MYH7B: variants seen among roughly 807,000 people sequenced by gnomAD.
MYH7B encodes myosin heavy chain 7B.
MYH7B carries 205 observed loss-of-function variants against 234.5 expected under a neutral mutation model. The ratio of observed to expected loss-of-function variants is 0.87; its 90% CI spans 0.78 to 0.98. MYH7B has a LOEUF of 0.98. Among genes scored for constraint, MYH7B ranks in the 50% least tolerant of loss-of-function variants. The pLI is 0.00. For missense variants in MYH7B, 2,652 were observed against 2,633.4 expected, an observed-to-expected ratio of 1.01 and a Z score of -0.15; for synonymous variants, 1,193 against 1,105.0, an observed-to-expected ratio of 1.08 and a Z score of -1.58.
At chr20:34,974,408 G>A (rs948935758) in intron 2 of MYH7B, among the ~76,000 whole-genome samples, 1 of 152,066 alleles carries the variant, frequency 6.6e-6, no homozygotes, top group Admixed American at 6.5e-5. Context: ...AGTATTTGTT[G>A]CAAATCACTC....
rs982307696 is a variant in MYH7B, at chr20:34,979,406, G to A, written c.108G>A (p.Trp36Ter). The change falls in exon 6 of 45, where the codon TGG becomes TGA. Residue 36 changes from tryptophan to a stop codon, truncating the protein, a stop_gained. Transcript: ENST00000262873. LOFTEE classifies it high-confidence loss of function. ...GCAACCCAGGGAAGAAGCGAGTCTGGGTGCCTGATGAACAGGACGCCTACG... is the reference window on the plus strand; with the variant it reads ...GCAACCCAGGGAAGAAGCGAGTCTGAGTGCCTGATGAACAGGACGCCTACG... 6.2e-7 allele frequency: 1 copy of A among 1,613,518 alleles called. No individual in the cohort carries two copies. Among genetic ancestry groups the A allele is most frequent in the Admixed American group, 1.7e-5 (1 of 59,940 alleles).
chr20:34,976,173 G>A (rs1242873032), intron 3 of MYH7B, among the ~76,000 whole-genome samples: 1 of 152,208 alleles, frequency 6.6e-6, no homozygotes, highest in Non-Finnish European at 1.5e-5. Context: ...GCTCTCTGGT[G>A]CCTCCAGCCA....
exon 20 of MYH7B, chr20:34,989,770 G>A (rs780842321): frequency 1.2e-6 from 2 of 1,614,136 alleles, no homozygotes; most frequent in South Asian, 1.1e-5. Context: ...CCTGGAGGAG[G>A]AATGCATGTT....
exon 15 of MYH7B, chr20:34,986,977 C>G: frequency 6.2e-7 from 1 of 1,613,892 alleles, no homozygotes; most frequent in Non-Finnish European, 8.5e-7. Flanking sequence ...GGGAGGAGCT[C>G]ATCGCCACCG....
chr20:34,984,633 ACCCCGCCCTT>A, intron 10 of MYH7B, 49 bp from the exon 11 acceptor site: 3 of 983,834 alleles, frequency 3.0e-6, no homozygotes, highest in Non-Finnish European at 4.6e-6. Context: ...ACCCTGCCCC[ACCCCGCCCTT>A]CCCCACCGGA....
rs138265572 is a variant in MYH7B at position 34,960,336 on chromosome 20, T to C, written c.-222+2124T>C. On this transcript the variant is annotated intron_variant, in intron 2 of 44. Coordinates refer to ENST00000262873, the Ensembl canonical transcript of MYH7B. ...CTGCAAGCTCCGCCTCCCGTGTTCA[T>C]GCCATTCTCCTACCTCAGCCTCCCG... Among the ~76,000 whole-genome samples, 1,119 of 152,190 alleles carry C rather than the reference T, an allele frequency of 7.4e-3. 11 individuals are homozygous for C. Among genetic ancestry groups the C allele is most frequent in the African/African-American group, 0.025 (1,026 of 41,522 alleles).
intron 1 of MYH7B, among the ~76,000 whole-genome samples, chr20:34,956,623 A>G (rs1403806713): frequency 6.6e-6 from 1 of 152,250 alleles, no homozygotes; most frequent in African/African-American, 2.4e-5. Flanking sequence ...AAGATAGGCA[A>G]TAAACTGCCT....
At chr20:34,975,784 C>T (rs780262919) in intron 3 of MYH7B, among the ~76,000 whole-genome samples, 42 of 152,142 alleles carry the variant, frequency 2.8e-4, no homozygotes, top group Admixed American at 2.7e-3. Flanking sequence ...GGTGCCATCT[C>T]CACTCACTGC....
chr20:35,002,390 C>G (rs2082410975), exon 45 of MYH7B: 2 of 457,668 alleles, frequency 4.4e-6, no homozygotes, highest in Admixed American at 7.9e-5. Context: ...GGACAAAAGC[C>G]AGGTCCACAG....
chr20:34,986,825 T>C, intron 14 of MYH7B, 61 bp from the exon 15 acceptor site: 1 of 1,397,138 alleles, frequency 7.2e-7, no homozygotes, highest in Non-Finnish European at 1.0e-6. Flanking sequence ...GCTGCAATTG[T>C]TGTGGGGAGA....
At chr20:34,999,389 GAAC>G (rs2082325549) in exon 36 of MYH7B, 1 of 1,521,910 alleles carries the variant, frequency 6.6e-7, no homozygotes, top group African/African-American at 1.4e-5. Context: ...TCAAGCGGGA[GAAC>G]AAGAACCTGC....
intron 2 of MYH7B, among the ~76,000 whole-genome samples, chr20:34,972,448 C>G (rs186437972): frequency 3.3e-5 from 5 of 152,000 alleles, no homozygotes; most frequent in Non-Finnish European, 7.4e-5. Context: ...CCCACCAGAA[C>G]GAAGTACACG....
In MYH7B at chr20:34,998,803, G is replaced by GC; in HGVS notation, c.4081dup (p.Gln1361ProfsTer3). The GC allele has an allele frequency of 1.2e-6, 2 of 1,613,226 alleles. No homozygotes were observed. Among genetic ancestry groups the GC allele is most frequent in the Non-Finnish European group, 1.7e-6 (2 of 1,179,990 alleles). On this transcript the variant is annotated frameshift_variant, in exon 35 of 45. Coordinates refer to ENST00000262873, the Ensembl canonical transcript of MYH7B. LOFTEE classifies it high-confidence loss of function. Reference sequence around the variant, plus strand: ...GGAGCAACACGAGGAGGAGGCTGAGGCCCAGGCTGAGCTGCAGCGGCTGCT... The same window carrying GC: ...GGAGCAACACGAGGAGGAGGCTGAGGCCCCAGGCTGAGCTGCAGCGGCTGCT...
exon 7 of MYH7B, chr20:34,979,741 G>A (rs1232234978): frequency 3.7e-6 from 6 of 1,614,050 alleles, no homozygotes; most frequent in East Asian, 2.2e-5. Flanking sequence ...CCATGATGAC[G>A]CACCTGAACG....
chr20:34,984,939 C>A, exon 12 of MYH7B: 1 of 1,613,714 alleles, frequency 6.2e-7, no homozygotes. Flanking sequence ...GATAACTCCT[C>A]CCGCTTTGTG....
intron 2 of MYH7B, among the ~76,000 whole-genome samples, chr20:34,968,856 C>T (rs1021781054): frequency 1.3e-5 from 2 of 151,494 alleles, no homozygotes; most frequent in African/African-American, 4.9e-5. Context: ...AATGCCCTTA[C>T]CTGGCAGGGA....
At chr20:34,992,293 G>C (rs1358302178) in intron 24 of MYH7B, among the ~76,000 whole-genome samples, 1 of 151,210 alleles carries the variant, frequency 6.6e-6, no homozygotes, top group African/African-American at 2.4e-5. Flanking sequence ...GGCTGAGGCA[G>C]GAGAATGGCC....
intron 2 of MYH7B, among the ~76,000 whole-genome samples, chr20:34,966,280 A>G (rs2052765782): frequency 1.3e-5 from 2 of 152,252 alleles, no homozygotes; most frequent in South Asian, 4.1e-4. Context: ...GCGCATCCAT[A>G]CATACCATGA....
In MYH7B at chr20:34,982,538, G is replaced by A. The variant is rs764109123; in HGVS notation, c.607G>A (p.Gly203Arg). 1.1e-5 allele frequency: 18 copies of A among 1,607,762 alleles called. No individual in the cohort carries two copies. Among genetic ancestry groups the A allele is most frequent in the African/African-American group, 5.4e-5 (4 of 74,538 alleles). Residue 203 changes from glycine to arginine, a missense_variant, in exon 10 of 45, where the codon GGG (glycine) becomes AGG (arginine). Gly to Arg is a moderately radical substitution (Grantham distance 125, BLOSUM62 -2). Around this residue, in one of 3 missense-constraint regions of MYH7B, gnomAD observed 366 missense variants for 401.2 expected, o/e 0.91. Transcript: ENST00000262873. ...TGCCATCGTCGCTGCCCTGGGAGAC[G>A]GGCCGGGCAAGAAGGCCGTAAGACT... is the stretch of plus-strand genomic sequence containing the variant.
Sources: gnomAD v4.1 joint callset for allele counts (sites outside exome capture counted in the v4.1 genomes callset) on GRCh38, gnomAD v4.1.1 for gene constraint, gnomAD v4.1.1 regional missense constraint, MANE v1.5 for transcripts, NCBI Gene and HGNC (gene_info 2026-07-23, HGNC 2026-07-21) for gene names.